The following LIMS2 variants were observed in gnomAD, a reference collection of about 807,000 sequenced individuals.
LIMS2 encodes LIM and senescent cell antigen-like-containing domain protein 2.
LIMS2 carries 30 observed loss-of-function variants against 45.3 expected under a neutral mutation model. That is an observed-to-expected ratio of 0.66 (90% CI 0.50 to 0.90). The LOEUF (loss-of-function observed/expected upper bound fraction) is 0.90. Ranked by LOEUF, LIMS2 falls within the 40% of genes least tolerant of loss-of-function variation. LIMS2 has a pLI of 0.00. For missense variants in LIMS2, 485 were observed against 468.7 expected, an observed-to-expected ratio of 1.03 and a Z score of -0.32; for synonymous variants, 173 against 188.0, an observed-to-expected ratio of 0.92 and a Z score of 0.65.
rs1384184931 is a variant in LIMS2 at position 127,640,078 on chromosome 2, G to T, written c.870C>A (p.Leu290=). ...CFSCSTCNSK[L]TLKNKFVEFD... is the part of the protein sequence containing the mutation. ...CGATCACAGGGACTCACTTCAGGGT[G>T]AGCTTGCTGTTGCAGGTGGAGCAGG... Residue 290 remains leucine, a synonymous_variant, in exon 9 of 10, where the codon CTC becomes CTA. Transcript: ENST00000355119. The T allele has an allele frequency of 6.2e-7, 1 of 1,613,368 alleles. No homozygotes were observed. Among genetic ancestry groups the T allele is most frequent in the Non-Finnish European group, 8.5e-7 (1 of 1,180,000 alleles).
In LIMS2 at chr2:127,657,492, T is replaced by C; in HGVS notation, c.82A>G (p.Ile28Val). The change falls in exon 2 of 10, where the codon ATT becomes GTT. Residue 28 changes from isoleucine (I) to valine (V), a missense_variant. By Grantham distance (29) the Ile-to-Val change is conservative (BLOSUM62 3). Transcript: ENST00000355119. ...TACAGCTCCCCATTGCTGTTGACAA[T>C]GCGCTCGGCGGGGGAGAAGCGGGCC... is the stretch of plus-strand genomic sequence containing the variant. ...CQARFSPAER[I>V]VNSNGELYHE... 2 of 1,613,546 alleles carry C rather than the reference T, an allele frequency of 1.2e-6. No homozygotes were observed. Among genetic ancestry groups the C allele is most frequent in the South Asian group, 1.1e-5 (1 of 91,080 alleles).
chr2:127,679,826 G>A (rs564363463), upstream of LIMS2, among the ~76,000 whole-genome samples: 32 of 152,280 alleles, frequency 2.1e-4, no homozygotes, highest in African/African-American at 7.2e-4. This position sits in a 1 kb window ranked among gnomAD's most constrained non-coding sequence, Gnocchi z 5.3. Context: ...TGTGACCACA[G>A]GGAATGGAGA....
chr2:127,654,275 G>A, intron 4 of LIMS2, 149 bp downstream of exon 4: 1 of 1,069,706 alleles, frequency 9.3e-7, no homozygotes, highest in Non-Finnish European at 1.4e-6. Flanking sequence ...GCCCCGGGGT[G>A]ACCTGGAGGG....
rs4662751 is a variant in LIMS2 at position 127,643,033 on chromosome 2, C to G, written c.399G>C (p.Lys133Asn). The G allele has an allele frequency of 6.3e-7, 1 of 1,586,116 alleles. No homozygotes were observed. ...CRPCHNREKAKGLGKYICQRC... is the reference protein window; with the variant it reads ...CRPCHNREKANGLGKYICQRC... The stretch of plus-strand genomic sequence containing the variant: ...GCTGGCAGATGTACTTGCCCAGGCC[C>G]TTGGCCTTCTCACGGTTGTGGCAAG... The change falls in exon 5 of 10, where the codon AAG (lysine) becomes AAC (asparagine). Residue 133 changes from lysine (K) to asparagine (N), a missense_variant. Physicochemically the swap from Lys to Asn is moderately conservative, Grantham distance 94. Coordinates refer to ENST00000355119, the MANE Select transcript of LIMS2 (RefSeq NM_001161403.3).
At chr2:127,679,401 G>A (rs1333830000), upstream of LIMS2, among the ~76,000 whole-genome samples, 2 of 152,062 alleles carry the variant, frequency 1.3e-5, no homozygotes, top group African/African-American at 4.8e-5. The surrounding 1 kb of genome is among the most constrained non-coding windows in gnomAD (Gnocchi z 5.3). Flanking sequence ...ATCACTGAGG[G>A]ACATTCAGAG....
intron 1 of LIMS2, among the ~76,000 whole-genome samples, chr2:127,661,670 C>A (rs1177299156): frequency 6.6e-6 from 1 of 152,208 alleles, no homozygotes; most frequent in East Asian, 1.9e-4. Context: ...CCATCTCATG[C>A]CCTTCCTCAG....
At chr2:127,658,341 T>C (rs1003624323) in intron 1 of LIMS2, among the ~76,000 whole-genome samples, 1 of 152,036 alleles carries the variant, frequency 6.6e-6, no homozygotes, top group Non-Finnish European at 1.5e-5. Flanking sequence ...CGAGGCTGAG[T>C]GCCACTGCAC....
chr2:127,648,986 GGGGA>G (rs1683328506), intron 4 of LIMS2, among the ~76,000 whole-genome samples: 4 of 25,640 alleles, frequency 1.6e-4, no homozygotes, highest in Non-Finnish European at 3.4e-4. Flanking sequence ...AGGGAGGGGA[GGGGA>G]GGGAGGGGAG....
intron 4 of LIMS2, chr2:127,650,144 C>A: frequency 7.1e-7 from 1 of 1,409,192 alleles, no homozygotes. Context: ...GGGCACCCTC[C>A]TAAGTGCCAG....
chr2:127,651,643 A>C, intron 4 of LIMS2: 1 of 1,613,506 alleles, frequency 6.2e-7, no homozygotes, highest in Non-Finnish European at 8.5e-7. Context: ...GTGGCTGAGA[A>C]GTTCCGCCAC....
intron 1 of LIMS2, among the ~76,000 whole-genome samples, chr2:127,662,359 G>A (rs922437753): frequency 3.3e-5 from 5 of 152,026 alleles, no homozygotes; most frequent in African/African-American, 4.8e-5. Context: ...AGAGGGTTTC[G>A]GGGAGGGACC....
Position 127,643,008 on chromosome 2 carries a change from G to T in LIMS2, c.424C>A (p.Arg142=). 1 of 1,581,800 alleles carries T rather than the reference G, an allele frequency of 6.3e-7. No individual in the cohort carries two copies. ...AKGLGKYICQ[R]CHLVIDEQPL... Reference sequence around the variant, plus strand: ...TGCTCGTCGATGACCAGGTGGCACCGCTGGCAGATGTACTTGCCCAGGCCC... The same window carrying T: ...TGCTCGTCGATGACCAGGTGGCACCTCTGGCAGATGTACTTGCCCAGGCCC... The change falls in exon 5 of 10, where the codon CGG becomes AGG. Residue 142 remains arginine (R), a synonymous_variant. Transcript: ENST00000355119.
At chr2:127,681,292 G>T (rs1434061856) in intron 1 of LIMS2, 2 of 152,424 alleles carry the variant, frequency 1.3e-5, no homozygotes, top group Non-Finnish European at 2.9e-5. Flanking sequence ...GACCTCCCGG[G>T]GCCCTGTGCC....
rs1231334632 is a variant in LIMS2, at chr2:127,651,129, G to T, written c.359+3295C>A. ...CTGCATCAGCGCCGACCGTTTCCTGGCCATTGTGCACCCGGTCAAGTCCCT... is the reference window on the plus strand; with the variant it reads ...CTGCATCAGCGCCGACCGTTTCCTGTCCATTGTGCACCCGGTCAAGTCCCT... On this transcript the variant is annotated intron_variant, in intron 4 of 9. Coordinates refer to ENST00000355119, the MANE Select transcript of LIMS2 (RefSeq NM_001161403.3). The T allele has an allele frequency of 1.1e-5, 18 of 1,613,346 alleles. 1 individual carries two copies. The highest frequency in any genetic ancestry group is 1.4e-5 in the Non-Finnish European group (17 of 1,180,016).
In LIMS2 at chr2:127,642,461, C is replaced by G. The variant is rs1481784596; in HGVS notation, c.510-262G>C. 1.2e-5 allele frequency: 5 copies of G among 419,290 alleles called. No homozygotes were observed. The highest frequency in any genetic ancestry group is 2.0e-5 in the African/African-American group (1 of 49,516). 26.0% of individuals were successfully genotyped at this position (419,290 alleles called of 1,614,324 possible). ...TCTGAGAAGCAGGTCTGTTCTTGGGCCCCCCTCCTCCTCCAAACCAGAGGG... is the reference window on the plus strand; with the variant it reads ...TCTGAGAAGCAGGTCTGTTCTTGGGGCCCCCTCCTCCTCCAAACCAGAGGG... On this transcript the variant is annotated intron_variant, in intron 5 of 9. Coordinates refer to ENST00000355119, the MANE Select transcript of LIMS2 (RefSeq NM_001161403.3). The surrounding 1 kb of genome is among the most constrained non-coding windows in gnomAD (Gnocchi z 5.3).
chr2:127,653,480 A>C lies in LIMS2; in HGVS notation c.359+944T>G, dbSNP rs1488535046. Among the ~76,000 whole-genome samples the C allele has an allele frequency of 6.6e-6, 1 of 152,204 alleles. No individual in the cohort carries two copies. Among genetic ancestry groups the C allele is most frequent in the Non-Finnish European group, 1.5e-5 (1 of 68,038 alleles). ...CCTGAAGTGGAGCCTGGAATTCTCCAGACACATGTGCCATTTAGGGCTCTA... is the reference window on the plus strand; with the variant it reads ...CCTGAAGTGGAGCCTGGAATTCTCCCGACACATGTGCCATTTAGGGCTCTA... On this transcript the variant is annotated intron_variant, in intron 4 of 9. Coordinates refer to ENST00000355119, the MANE Select transcript of LIMS2 (RefSeq NM_001161403.3). The surrounding 1 kb of genome is among the most constrained non-coding windows in gnomAD (Gnocchi z 5.3).
intron 1 of LIMS2, among the ~76,000 whole-genome samples, chr2:127,669,145 G>C (rs145752955): frequency 6.6e-6 from 1 of 152,126 alleles, no homozygotes; most frequent in Non-Finnish European, 1.5e-5. Context: ...TTTGACAAGA[G>C]TGCCAAGACC....
chr2:127,678,138 T>C (rs1215587630), upstream of LIMS2, among the ~76,000 whole-genome samples: 2 of 152,196 alleles, frequency 1.3e-5, no homozygotes, highest in African/African-American at 4.8e-5. This position sits in a 1 kb window ranked among gnomAD's most constrained non-coding sequence, Gnocchi z 5.3. Flanking sequence ...CAACTTACTT[T>C]GAAATACATT....
Position 127,647,908 on chromosome 2 carries a change from G to A in LIMS2, c.360-4836C>T. 1 of 581,236 alleles carries A rather than the reference G, an allele frequency of 1.7e-6. No homozygotes were observed. Among genetic ancestry groups the A allele is most frequent in the Non-Finnish European group, 2.2e-6 (1 of 460,158 alleles). The allele number at this position is 581,236 out of a possible 1,614,324, so 36.0% of individuals were successfully genotyped here. A position where few individuals can be genotyped will look rare whatever the true frequency, so the allele number is the denominator to read the frequency against. On this transcript the variant is annotated intron_variant, in intron 4 of 9. Coordinates refer to ENST00000355119, the MANE Select transcript of LIMS2 (RefSeq NM_001161403.3). This position sits in a 1 kb window ranked among gnomAD's most constrained non-coding sequence, Gnocchi z 4.3. ...CGGTACCTGCTCCCTGTTCTCCCCT[G>A]CCTCACAGGCCCTGTCAAGGGCTGT...
Sources: allele counts gnomAD v4.1 joint callset (sites outside exome capture counted in the v4.1 genomes callset), GRCh38; gene constraint gnomAD v4.1.1; non-coding constraint Gnocchi (gnomAD v3.1); transcripts MANE v1.5; gene names NCBI Gene and HGNC (gene_info 2026-07-23, HGNC 2026-07-21).